The following PTCHD4 variants were observed in gnomAD, a reference collection of about 807,000 sequenced individuals.
PTCHD4 encodes patched domain-containing protein 4.
In PTCHD4, 33 loss-of-function variants were observed where a neutral mutation model predicts 58.1. The observed-to-expected ratio is 0.57, with a 90% confidence interval of 0.43 to 0.76. PTCHD4 has a LOEUF of 0.76. Ranked by LOEUF, PTCHD4 falls within the 30% of genes least tolerant of loss-of-function variation. The pLI is 0.00. For missense variants in PTCHD4, 1,058 were observed against 1,027.1 expected (o/e 1.03, Z -0.41); for synonymous variants, 478 against 409.6 (o/e 1.17, Z -2.02).
At chr6:48,002,337 T>C (rs1217280328) in intron 4 of PTCHD4, among the ~76,000 whole-genome samples, 1 of 152,092 alleles carries the variant, frequency 6.6e-6, no homozygotes, top group Non-Finnish European at 1.5e-5. Context: ...CTATTCACAA[T>C]AGCAAAGACT....
intron 4 of PTCHD4, among the ~76,000 whole-genome samples, chr6:47,916,032 G>C (rs1257063925): frequency 6.6e-6 from 1 of 152,098 alleles, no homozygotes; most frequent in East Asian, 1.9e-4. Flanking sequence ...AGTGTGATGT[G>C]TGTTCATGCC....
At chr6:47,949,407 T>C (rs140663952) in intron 4 of PTCHD4, among the ~76,000 whole-genome samples, 16 of 152,244 alleles carry the variant, frequency 1.1e-4, no homozygotes, top group African/African-American at 3.6e-4. Context: ...GTGTCTGCAG[T>C]ATATCTCTGT....
intron 4 of PTCHD4, among the ~76,000 whole-genome samples, chr6:47,958,573 A>G (rs2113963132): frequency 6.6e-6 from 1 of 152,254 alleles, no homozygotes; most frequent in South Asian, 2.1e-4. Flanking sequence ...CTGAGTTGAG[A>G]CGGAGCTGAG....
At chr6:48,105,265 G>A (rs941585619) in intron 1 of PTCHD4, among the ~76,000 whole-genome samples, 21 of 152,180 alleles carry the variant, frequency 1.4e-4, no homozygotes, top group African/African-American at 5.1e-4. Flanking sequence ...TCAGACCACA[G>A]TGCAATCAAA....
intron 4 of PTCHD4, among the ~76,000 whole-genome samples, chr6:47,910,428 C>T (rs1765033818): frequency 6.6e-6 from 1 of 152,124 alleles, no homozygotes; most frequent in Non-Finnish European, 1.5e-5. Context: ...AAATTAGAGC[C>T]TTATTTCTCA....
intron 3 of PTCHD4, among the ~76,000 whole-genome samples, chr6:48,053,865 G>A (rs942892598): frequency 3.3e-5 from 5 of 152,090 alleles, no homozygotes; most frequent in South Asian, 2.1e-4. Context: ...AAATGGTACC[G>A]TGGTACCTGG....
chr6:48,086,187 C>T (rs1049720784), intron 1 of PTCHD4, among the ~76,000 whole-genome samples: 1 of 152,176 alleles, frequency 6.6e-6, no homozygotes. Context: ...GGTGTGAAAG[C>T]AGCCACTGAC....
At chr6:48,091,885 G>C (rs1381529362) in intron 1 of PTCHD4, among the ~76,000 whole-genome samples, 1 of 151,780 alleles carries the variant, frequency 6.6e-6, no homozygotes, top group Non-Finnish European at 1.5e-5. Context: ...CCTGACCTCT[G>C]ATGATCCACC....
intron 3 of PTCHD4, among the ~76,000 whole-genome samples, chr6:48,014,241 T>A (rs1762790969): frequency 6.6e-6 from 1 of 152,148 alleles, no homozygotes; most frequent in African/African-American, 2.4e-5. Context: ...TCCAACTAAT[T>A]ATAGTTCTGA....
chr6:47,876,651 A>G lies in PTCHD4; in HGVS notation c.*1652T>C, dbSNP rs563133960. ...AGAACCAAAGTTGATGGGAAGTAGT[A>G]GCTTTCTTCTAGGTAAAAGAGCTTA... is the stretch of plus-strand genomic sequence containing the variant. On this transcript the variant is annotated 3_prime_UTR_variant, in exon 5 of 5. Coordinates refer to ENST00000339488, the MANE Select transcript of PTCHD4 (RefSeq NM_001384253.1). 4.6e-5 allele frequency among the ~76,000 whole-genome samples: 7 copies of G among 152,110 alleles called. No individual in the cohort carries two copies. The highest frequency in any genetic ancestry group is 3.9e-4 in the East Asian group (2 of 5,150).
intron 4 of PTCHD4, among the ~76,000 whole-genome samples, chr6:47,947,350 T>C (rs1184987017): frequency 6.6e-6 from 1 of 152,144 alleles, no homozygotes; most frequent in African/African-American, 2.4e-5. Flanking sequence ...ATATAATCAG[T>C]GATTATTTAA....
chr6:48,003,696 A>G (rs1489184744), intron 4 of PTCHD4, among the ~76,000 whole-genome samples: 2 of 152,314 alleles, frequency 1.3e-5, no homozygotes, highest in East Asian at 3.9e-4. Flanking sequence ...AATACTTCAA[A>G]CAGCTTTAAT....
At chr6:47,998,377 C>T (rs965558013) in intron 4 of PTCHD4, among the ~76,000 whole-genome samples, 4 of 152,156 alleles carry the variant, frequency 2.6e-5, no homozygotes, top group African/African-American at 9.7e-5. Context: ...ACATATTGAA[C>T]AACAGGAGGC....
chr6:48,026,339 C>T (rs754822541), intron 3 of PTCHD4, among the ~76,000 whole-genome samples: 1 of 152,182 alleles, frequency 6.6e-6, no homozygotes, highest in South Asian at 2.1e-4. Flanking sequence ...ATCTCAAACC[C>T]TTACTAACGA....
intron 4 of PTCHD4, among the ~76,000 whole-genome samples, chr6:47,962,859 C>G (rs1055438752): frequency 5.3e-5 from 8 of 150,924 alleles, no homozygotes; most frequent in African/African-American, 1.5e-4. Flanking sequence ...TAACAAATAA[C>G]CTGACTGAAA....
intron 4 of PTCHD4, among the ~76,000 whole-genome samples, chr6:47,981,301 G>A (rs532800165): frequency 6.6e-5 from 10 of 151,678 alleles, no homozygotes; most frequent in Non-Finnish European, 1.2e-4. Context: ...ATATGTTTTC[G>A]CTCTTGTTTA....
chr6:47,973,071 A>G lies in PTCHD4; in HGVS notation c.898+35563T>C, dbSNP rs185863976. Among the ~76,000 whole-genome samples the G allele has an allele frequency of 4.5e-4, 68 of 152,222 alleles. No individual in the cohort carries two copies. In the East Asian group the frequency reaches 8.5e-3, roughly 19 times the overall value. Reference sequence around the variant, plus strand: ...TTTTTCTTCATGTACACATCACTACATTATATTTCTTATTCCTATGAGTCA... The same window carrying G: ...TTTTTCTTCATGTACACATCACTACGTTATATTTCTTATTCCTATGAGTCA... On this transcript the variant is annotated intron_variant, in intron 4 of 4. Transcript: ENST00000339488.
At chr6:48,108,923 CATT>C (rs1233722460) in intron 1 of PTCHD4, among the ~76,000 whole-genome samples, 3 of 151,686 alleles carry the variant, frequency 2.0e-5, no homozygotes, top group Admixed American at 6.6e-5. Context: ...TCACTAATAA[CATT>C]ATGAAAAAGA....
chr6:48,034,783 G>T (rs1206552162), intron 3 of PTCHD4, among the ~76,000 whole-genome samples: 1 of 152,020 alleles, frequency 6.6e-6, no homozygotes, highest in East Asian at 1.9e-4. Context: ...TGAAAATTTT[G>T]CTTTTCACTC....
Sources: allele counts gnomAD v4.1 joint callset (sites outside exome capture counted in the v4.1 genomes callset), GRCh38; gene constraint gnomAD v4.1.1; transcripts MANE v1.5; gene names NCBI Gene and HGNC (gene_info 2026-07-23, HGNC 2026-07-21).